RYR3: variants seen among roughly 807,000 people sequenced by gnomAD.
RYR3 encodes brain ryanodine receptor-calcium release channel.
A neutral mutation model predicts 584.3 loss-of-function variants in RYR3; 207 were observed. That is an observed-to-expected ratio of 0.35 (90% confidence interval 0.32 to 0.40). The LOEUF (loss-of-function observed/expected upper bound fraction) is 0.40. RYR3 is among the 10% of genes least tolerant of loss of function. The pLI, the probability that RYR3 is intolerant of heterozygous loss-of-function variation, is 1.00. For missense variants in RYR3, 5,616 were observed against 6,089.2 expected (o/e 0.92, Z 2.59); for synonymous variants, 2,416 against 2,248.5 (o/e 1.07, Z -2.11).
intron 16 of RYR3, among the ~76,000 whole-genome samples, chr15:33,594,731 AAAC>A (rs1219424542): frequency 1.3e-5 from 2 of 152,202 alleles, no homozygotes; most frequent in Non-Finnish European, 2.9e-5. Flanking sequence ...AGAAAGTTTC[AAAC>A]AAGATAAAAC....
intron 43 of RYR3, among the ~76,000 whole-genome samples, chr15:33,717,697 A>C (rs1229941071): frequency 6.6e-6 from 1 of 152,188 alleles, no homozygotes; most frequent in Non-Finnish European, 1.5e-5. Context: ...TATTTCTTAC[A>C]TATCTGCAAG....
intron 10 of RYR3, among the ~76,000 whole-genome samples, chr15:33,557,447 C>T (rs1477697091): frequency 2.0e-5 from 3 of 152,124 alleles, no homozygotes; most frequent in African/African-American, 7.2e-5. Flanking sequence ...TGCAGTGGCG[C>T]GATCTTGGCT....
At position 33,526,346 on chromosome 15, in the gene RYR3, C is replaced by A. The variant is rs568686170; in HGVS notation, c.280-4246C>A. Among the ~76,000 whole-genome samples the A allele has an allele frequency of 1.1e-4, 16 of 152,254 alleles. No homozygotes were observed. The East Asian group carries it at 3.1e-3, about 29-fold the overall frequency. On this transcript the variant is annotated intron_variant, in intron 3 of 103. Coordinates refer to ENST00000634891, the MANE Select transcript of RYR3 (RefSeq NM_001036.6). Reference sequence around the variant, plus strand: ...TTTTACCAGCATTTCCCTGATCCACCCCCATCCTGCGAGATGGAACCAAAT... The same window carrying A: ...TTTTACCAGCATTTCCCTGATCCACACCCATCCTGCGAGATGGAACCAAAT...
intron 18 of RYR3, among the ~76,000 whole-genome samples, chr15:33,607,079 A>G (rs188231684): frequency 2.0e-4 from 31 of 152,242 alleles, no homozygotes; most frequent in Non-Finnish European, 3.7e-4. Flanking sequence ...CCCCAGTCCT[A>G]TGTGGACGAG....
In RYR3 at chr15:33,698,122, G is replaced by T. The variant is rs2065991555; in HGVS notation, c.6249+126G>T. The T allele has an allele frequency of 4.4e-6, 3 of 687,180 alleles. No homozygotes were observed. The African/African-American group carries it at 5.3e-5, about 12-fold the overall frequency. The allele number at this position is 687,180 out of a possible 1,614,324, so 42.6% of individuals were successfully genotyped here. A position where few individuals can be genotyped will look rare whatever the true frequency, so the allele number is the denominator to read the frequency against. ...CTCTTCCAGGGAGAGGAAGGGATAG[G>T]CACAGTGCCAAGAAGGAGCCAAGCG... On this transcript the variant is annotated intron_variant, in intron 40 of 103. Transcript: ENST00000634891.
At chr15:33,804,625 C>A (rs17236581) in intron 69 of RYR3, among the ~76,000 whole-genome samples, 4,735 of 152,292 alleles carry the variant, frequency 0.031, 103 homozygotes, top group South Asian at 0.066. Context: ...CAAAAAGATA[C>A]CATGCCTCCG....
chr15:33,440,113 C>A (rs920940580), intron 1 of RYR3, among the ~76,000 whole-genome samples: 3 of 152,078 alleles, frequency 2.0e-5, no homozygotes, highest in African/African-American at 7.2e-5. Flanking sequence ...CATAGGGAGA[C>A]CCTGCTTCTA....
At chr15:33,720,855 CAG>C (rs1348887016) in intron 43 of RYR3, among the ~76,000 whole-genome samples, 1 of 149,548 alleles carries the variant, frequency 6.7e-6, no homozygotes, top group African/African-American at 2.4e-5. Flanking sequence ...GCCTGGGTGA[CAG>C]AGCCAGACCC....
At chr15:33,840,607 G>T in intron 89 of RYR3, 1 of 591,946 alleles carries the variant, frequency 1.7e-6, no homozygotes, top group South Asian at 2.1e-5. Context: ...AGTTATAGAA[G>T]GGAGGTTGAG....
Position 33,707,019 on chromosome 15 carries a change from A to G in RYR3, c.6584A>G (p.Tyr2195Cys), listed in dbSNP as rs747784505. Residue 2195 changes from tyrosine to cysteine, a missense_variant, in exon 43 of 104, where the codon TAC becomes TGC. Transcript: ENST00000634891. ...VGWNPIEGERYLSFLRFAVFV... is the reference protein window; with the variant it reads ...VGWNPIEGERCLSFLRFAVFV... ...TGGAACCCCATTGAAGGGGAACGCT[A>G]CCTGTCCTTCCTGAGGTTTGCTGTC... is the stretch of plus-strand genomic sequence containing the variant. 1.2e-6 allele frequency: 2 copies of G among 1,613,958 alleles called. No homozygotes were observed. Among genetic ancestry groups the G allele is most frequent in the East Asian group, 2.2e-5 (1 of 44,878 alleles).
intron 1 of RYR3, among the ~76,000 whole-genome samples, chr15:33,409,532 C>A (rs543270236): frequency 1.2e-4 from 18 of 152,298 alleles, no homozygotes; most frequent in African/African-American, 4.1e-4. Flanking sequence ...TGTGCCACAG[C>A]CTGGCTCTCA....
intron 1 of RYR3, among the ~76,000 whole-genome samples, chr15:33,363,224 A>T (rs560304391): frequency 9.9e-5 from 15 of 152,182 alleles, no homozygotes; most frequent in Non-Finnish European, 1.8e-4. Flanking sequence ...CTTTTTGCAG[A>T]GGCTCACTTA....
At chr15:33,370,909 T>C (rs2040287056) in intron 1 of RYR3, among the ~76,000 whole-genome samples, 1 of 152,182 alleles carries the variant, frequency 6.6e-6, no homozygotes, top group Admixed American at 6.5e-5. Context: ...CCTAAGGAGA[T>C]ATAGACACAA....
At chr15:33,666,908 C>G (rs2063521784) in intron 36 of RYR3, among the ~76,000 whole-genome samples, 2 of 152,266 alleles carry the variant, frequency 1.3e-5, no homozygotes, top group African/African-American at 4.8e-5. Context: ...AATGTTCTGC[C>G]AAAGGAAAGA....
At chr15:33,458,196 G>A (rs376932312) in intron 1 of RYR3, among the ~76,000 whole-genome samples, 2 of 152,112 alleles carry the variant, frequency 1.3e-5, no homozygotes, top group Non-Finnish European at 2.9e-5. Flanking sequence ...CAGGGGCTGG[G>A]TAGGGTAGAC....
Position 33,670,570 on chromosome 15 carries a change from C to G in RYR3, c.5860+14C>G. 6.5e-7 allele frequency: 1 copy of G among 1,550,046 alleles called. No homozygotes were observed. The highest frequency in any genetic ancestry group is 8.7e-7 in the Non-Finnish European group (1 of 1,155,684). On this transcript the variant is annotated intron_variant, in intron 38 of 103. Coordinates refer to ENST00000634891, the MANE Select transcript of RYR3 (RefSeq NM_001036.6). ...AGAGATGCCCCAGTAAGTGACATTG[C>G]CTTTAAATGACAGTGTGCTCTTCTA...
At chr15:33,650,896 A>C (rs2062426567) in intron 31 of RYR3, among the ~76,000 whole-genome samples, 1 of 152,206 alleles carries the variant, frequency 6.6e-6, no homozygotes, top group Non-Finnish European at 1.5e-5. Flanking sequence ...TCATTGAGAG[A>C]GCCAAAATAG....
At chr15:33,635,041 A>T (rs2061435254) in intron 25 of RYR3, among the ~76,000 whole-genome samples, 1 of 152,138 alleles carries the variant, frequency 6.6e-6, no homozygotes, top group Admixed American at 6.5e-5. Flanking sequence ...CTGTTTTTTT[A>T]TCTTACTTGC....
intron 3 of RYR3, among the ~76,000 whole-genome samples, chr15:33,527,727 T>C (rs2054511722): frequency 6.6e-6 from 1 of 152,166 alleles, no homozygotes; most frequent in African/African-American, 2.4e-5. Flanking sequence ...TTAAGTATGG[T>C]GGGAAGCCAT....
Sources: gnomAD v4.1 joint callset for allele counts (sites outside exome capture counted in the v4.1 genomes callset) on GRCh38, gnomAD v4.1.1 for gene constraint, MANE v1.5 for transcripts, NCBI Gene and HGNC (gene_info 2026-07-23, HGNC 2026-07-21) for gene names.